PTPRT: variants seen among roughly 807,000 people sequenced by gnomAD.
PTPRT encodes receptor-type tyrosine-protein phosphatase T.
PTPRT carries 56 observed loss-of-function variants against 176.8 expected under a neutral mutation model. The observed-to-expected ratio is 0.32, with a 90% confidence interval of 0.26 to 0.40. PTPRT has a LOEUF of 0.40. Among genes scored for constraint, PTPRT ranks in the 10% least tolerant of loss-of-function variants. The probability of loss-of-function intolerance (pLI) is 1.00; values close to 1 mark genes in which losing one functional copy is unlikely to be tolerated. For synonymous variants in PTPRT, 783 were observed against 739.0 expected (o/e 1.06, Z -0.96); for missense variants, 1,540 against 1,908.2 (o/e 0.81, Z 3.60).
At chr20:42,510,563 A>C (rs189303488) in intron 7 of PTPRT, among the ~76,000 whole-genome samples, 1 of 152,084 alleles carries the variant, frequency 6.6e-6, no homozygotes, top group African/African-American at 2.4e-5. Context: ...TCAGACCCCA[A>C]GAGGAAAGTT....
At chr20:42,826,795 C>T (rs2078001140) in intron 2 of PTPRT, among the ~76,000 whole-genome samples, 1 of 152,142 alleles carries the variant, frequency 6.6e-6, no homozygotes, top group Admixed American at 6.5e-5. Flanking sequence ...AAATGGTATG[C>T]AATCTTCAAG....
intron 11 of PTPRT, 151 bp downstream of exon 11, chr20:42,350,477 C>T (rs2058266897): frequency 6.0e-6 from 4 of 667,194 alleles, no homozygotes; most frequent in Non-Finnish European, 5.2e-6. Flanking sequence ...TCCCTTTGAA[C>T]TGGGCTTGGG....
intron 1 of PTPRT, among the ~76,000 whole-genome samples, chr20:42,999,074 C>T (rs1984383985): frequency 6.6e-6 from 1 of 152,168 alleles, no homozygotes; most frequent in African/African-American, 2.4e-5. Flanking sequence ...CTGTACATAG[C>T]ATCTCTTTAT....
chr20:42,304,307 C>G (rs1230104287), intron 12 of PTPRT, among the ~76,000 whole-genome samples: 3 of 152,264 alleles, frequency 2.0e-5, no homozygotes, highest in East Asian at 1.9e-4. Flanking sequence ...TTTAAAAACT[C>G]TGCCCCTGTG....
chr20:42,139,776 G>A (rs1053876399), intron 18 of PTPRT, among the ~76,000 whole-genome samples: 4 of 152,262 alleles, frequency 2.6e-5, no homozygotes, highest in Admixed American at 2.0e-4. Flanking sequence ...CCACAGTGCA[G>A]GAGCAGAGAA....
chr20:42,927,900 G>A (rs1312878773), intron 1 of PTPRT, among the ~76,000 whole-genome samples: 1 of 152,194 alleles, frequency 6.6e-6, no homozygotes, highest in East Asian at 1.9e-4. Flanking sequence ...TCATTTTACA[G>A]AGAGATGAAG....
At chr20:42,220,055 T>TG (rs34348986) in intron 15 of PTPRT, among the ~76,000 whole-genome samples, 23,002 of 147,932 alleles carry the variant, frequency 0.16, 1,992 homozygotes, top group East Asian at 0.36. Flanking sequence ...ATATATATTT[T>TG]TCAACATATA....
At position 42,618,680 on chromosome 20, in the gene PTPRT, T is replaced by C. The variant is rs2074128160; in HGVS notation, c.1153+59186A>G. On this transcript the variant is annotated intron_variant, in intron 7 of 30. Coordinates refer to ENST00000373187, the MANE Select transcript of PTPRT (RefSeq NM_007050.6). Reference sequence around the variant, plus strand: ...TAGCTCTTCTTGTTGAATTGATCCCTTTACCATTATGTAATGGCCTTCTTT... The same window carrying C: ...TAGCTCTTCTTGTTGAATTGATCCCCTTACCATTATGTAATGGCCTTCTTT... Among the ~76,000 whole-genome samples, 3 of 131,100 alleles carry C rather than the reference T, an allele frequency of 2.3e-5. No individual in the cohort carries two copies. The South Asian group carries it at 7.6e-4, about 33-fold the overall frequency. The allele number at this position is 131,100 out of a possible 152,430, so 86.0% of individuals were successfully genotyped here.
At position 42,571,877 on chromosome 20, in the gene PTPRT, G is replaced by A. The variant is rs1040364638; in HGVS notation, c.1154-99315C>T. On this transcript the variant is annotated intron_variant, in intron 7 of 30. Coordinates refer to ENST00000373187, the MANE Select transcript of PTPRT (RefSeq NM_007050.6). ...GCCCCTTCACTGGTCTTCCCACTTC[G>A]CCTCTTGGCAGCCACAGCTTGTGTC... Among the ~76,000 whole-genome samples the A allele has an allele frequency of 9.9e-5, 15 of 152,180 alleles. No individual in the cohort carries two copies. The South Asian group carries it at 2.5e-3, about 25-fold the overall frequency.
chr20:42,192,971 T>C (rs1485749801), intron 16 of PTPRT, among the ~76,000 whole-genome samples: 1 of 152,184 alleles, frequency 6.6e-6, no homozygotes, highest in Non-Finnish European at 1.5e-5. Flanking sequence ...AGAAGCACTG[T>C]TCTCCCAGCC....
chr20:42,634,428 A>G (rs967123810), intron 7 of PTPRT, among the ~76,000 whole-genome samples: 2 of 151,562 alleles, frequency 1.3e-5, no homozygotes, highest in Non-Finnish European at 2.9e-5. Context: ...TGAGTCACCA[A>G]TGTTTGAAGA....
rs752116362 is a variant in PTPRT, at chr20:42,315,968, G to T, written c.1894C>A (p.Arg632=). The T allele has an allele frequency of 5.0e-6, 8 of 1,614,010 alleles. No individual in the cohort carries two copies. The highest frequency in any genetic ancestry group is 1.3e-5 in the African/African-American group (1 of 75,042). The change falls in exon 12 of 31, where the codon CGA becomes AGA. Residue 632 remains arginine (R), a synonymous_variant. Coordinates refer to ENST00000373187, the MANE Select transcript of PTPRT (RefSeq NM_007050.6). ...SVYQLVVKEE[R]LQKSRRAADI... ...GCTGCCCTCCGTGACTTCTGAAGTC[G>T]CTCCTCCTTGACAACCAGCTGATAA...
chr20:42,948,011 G>A (rs761824939), intron 1 of PTPRT, among the ~76,000 whole-genome samples: 33 of 152,290 alleles, frequency 2.2e-4, no homozygotes, highest in Admixed American at 4.6e-4. Flanking sequence ...ATGAATGAAT[G>A]AGTGAACCCC....
chr20:42,163,938 G>A (rs1440542047), intron 16 of PTPRT, among the ~76,000 whole-genome samples: 2 of 152,210 alleles, frequency 1.3e-5, no homozygotes, highest in Non-Finnish European at 1.5e-5. Context: ...TCCTTCCAGC[G>A]AATATCACTC....
intron 2 of PTPRT, among the ~76,000 whole-genome samples, chr20:42,849,386 C>A (rs1421190901): frequency 6.6e-6 from 1 of 152,228 alleles, no homozygotes; most frequent in Non-Finnish European, 1.5e-5. Flanking sequence ...TGACAATCAA[C>A]TAAATTAAAT....
intron 2 of PTPRT, among the ~76,000 whole-genome samples, chr20:42,803,399 G>A (rs2077558489): frequency 6.6e-6 from 1 of 152,196 alleles, no homozygotes; most frequent in South Asian, 2.1e-4. Context: ...GGTTGCCTGA[G>A]CCTCAGCCTA....
chr20:42,643,730 G>A (rs1053522801), intron 7 of PTPRT, among the ~76,000 whole-genome samples: 7 of 152,162 alleles, frequency 4.6e-5, no homozygotes, highest in East Asian at 3.9e-4. Flanking sequence ...CAGAGCCTCC[G>A]CCACAACCAC....
chr20:42,328,947 G>A (rs961382151), intron 11 of PTPRT, among the ~76,000 whole-genome samples: 3 of 152,142 alleles, frequency 2.0e-5, no homozygotes, highest in Non-Finnish European at 4.4e-5. Context: ...AGGTTTCAGT[G>A]AATGAGATGA....
intron 1 of PTPRT, among the ~76,000 whole-genome samples, chr20:43,078,700 A>G (rs193076176): frequency 4.3e-4 from 66 of 152,320 alleles, no homozygotes; most frequent in South Asian, 1.5e-3. Flanking sequence ...GGCAGCATAC[A>G]CTGTCAGCAG....
Sources: gnomAD v4.1 joint callset for allele counts (sites outside exome capture counted in the v4.1 genomes callset) on GRCh38, gnomAD v4.1.1 for gene constraint, MANE v1.5 for transcripts, NCBI Gene and HGNC (gene_info 2026-07-23, HGNC 2026-07-21) for gene names.